Variants in PTN observed in about 807,000 individuals in gnomAD.
The protein encoded by PTN is heparin affin regulatory protein.
Under a neutral mutation model 24.1 loss-of-function variants are expected in PTN, and 18 were observed. The observed-to-expected ratio is 0.75, with a 90% CI of 0.52 to 1.11. The LOEUF is 1.11. Ranked by LOEUF, PTN falls within the 50% of genes least tolerant of loss-of-function variation. The pLI is 0.00. For synonymous variants in PTN, 78 were observed against 68.6 expected, an observed-to-expected ratio of 1.14 and a Z score of -0.67; for missense variants, 163 against 198.8, an observed-to-expected ratio of 0.82 and a Z score of 1.08.
intron 1 of PTN, among the ~76,000 whole-genome samples, chr7:137,294,606 T>G (rs554267006): frequency 1.7e-4 from 26 of 152,214 alleles, no homozygotes; most frequent in Non-Finnish European, 3.1e-4. Context: ...CAAGTTTCTC[T>G]GCCATCCACC....
At chr7:137,281,470 A>G (rs892703257) in intron 1 of PTN, among the ~76,000 whole-genome samples, 1 of 152,202 alleles carries the variant, frequency 6.6e-6, no homozygotes, top group Non-Finnish European at 1.5e-5. Context: ...TTGCTGTGCA[A>G]GGCTACTCTC....
At chr7:137,272,633 T>G in intron 1 of PTN, among the ~76,000 whole-genome samples, 1 of 152,220 alleles carries the variant, frequency 6.6e-6, no homozygotes, top group East Asian at 1.9e-4. Flanking sequence ...ATTTAGTAAC[T>G]ATCATGTCTT....
At chr7:137,232,219 A>G (rs1020157894) in intron 4 of PTN, among the ~76,000 whole-genome samples, 1 of 151,974 alleles carries the variant, frequency 6.6e-6, no homozygotes, top group Non-Finnish European at 1.5e-5. Context: ...AGAATGAGCC[A>G]TTGTCAACAT....
At chr7:137,272,474 A>G (rs1395451732) in intron 1 of PTN, among the ~76,000 whole-genome samples, 2 of 152,224 alleles carry the variant, frequency 1.3e-5, no homozygotes, top group African/African-American at 4.8e-5. Flanking sequence ...AGATGACAGT[A>G]TCGCTATCTC....
intron 4 of PTN, among the ~76,000 whole-genome samples, chr7:137,229,611 A>G (rs1336140095): frequency 6.6e-6 from 1 of 151,786 alleles, no homozygotes; most frequent in African/African-American, 2.4e-5. Context: ...GGTACACTAT[A>G]TGCAAGTGGG....
At chr7:137,320,649 G>T (rs1810148634) in intron 1 of PTN, among the ~76,000 whole-genome samples, 1 of 152,090 alleles carries the variant, frequency 6.6e-6, no homozygotes, top group Non-Finnish European at 1.5e-5. Flanking sequence ...TTTTAAAAAA[G>T]GATTCCAAAT....
chr7:137,336,553 G>A (rs1810452601), intron 1 of PTN, among the ~76,000 whole-genome samples: 1 of 152,136 alleles, frequency 6.6e-6, no homozygotes, highest in Non-Finnish European at 1.5e-5. Flanking sequence ...CCTTGAGCAT[G>A]ATCACATGCT....
At chr7:137,238,580 A>T (rs758782932) in intron 4 of PTN, among the ~76,000 whole-genome samples, 36 of 152,294 alleles carry the variant, frequency 2.4e-4, no homozygotes, top group Non-Finnish European at 4.3e-4. Context: ...TAGAATACCT[A>T]AAGAGATCCG....
At chr7:137,248,486 G>T (rs958397846) in intron 4 of PTN, among the ~76,000 whole-genome samples, 4 of 152,174 alleles carry the variant, frequency 2.6e-5, no homozygotes, top group African/African-American at 7.2e-5. Flanking sequence ...TGGAGTTCAA[G>T]ACCAGCCTGA....
At chr7:137,267,994 C>G (rs73728251) in intron 1 of PTN, among the ~76,000 whole-genome samples, 3,401 of 146,638 alleles carry the variant, frequency 0.023, 140 homozygotes, top group African/African-American at 0.09. Context: ...AAAACAAAAA[C>G]CAAAGAGCCC....
chr7:137,281,065 T>C (rs1472454567), intron 1 of PTN, among the ~76,000 whole-genome samples: 1 of 152,092 alleles, frequency 6.6e-6, no homozygotes, highest in Non-Finnish European at 1.5e-5. Context: ...TCATTTAAGA[T>C]AACATTGGTT....
intron 1 of PTN, among the ~76,000 whole-genome samples, chr7:137,271,221 A>G (rs562924445): frequency 2.0e-4 from 31 of 152,350 alleles, no homozygotes; most frequent in Non-Finnish European, 3.7e-4. Context: ...TAATTTCAGA[A>G]TTAAAAACAA....
chr7:137,328,261 TG>T (rs1562972181), intron 1 of PTN, among the ~76,000 whole-genome samples: 1 of 152,194 alleles, frequency 6.6e-6, no homozygotes, highest in Non-Finnish European at 1.5e-5. Flanking sequence ...TTCTAGGTTT[TG>T]CCTCTTGTCA....
chr7:137,300,255 T>C (rs550044191), intron 1 of PTN, among the ~76,000 whole-genome samples: 4 of 152,132 alleles, frequency 2.6e-5, no homozygotes, highest in African/African-American at 9.6e-5. Flanking sequence ...GTACAGGTGG[T>C]TGATTCTAGC....
chr7:137,228,620 G>T (rs1159664308), intron 4 of PTN, among the ~76,000 whole-genome samples: 2 of 151,770 alleles, frequency 1.3e-5, no homozygotes, highest in Admixed American at 6.6e-5. Flanking sequence ...TATGTAAAAA[G>T]AACCGGCTAT....
At chr7:137,263,648 C>T (rs1489023315) in intron 1 of PTN, among the ~76,000 whole-genome samples, 2 of 152,052 alleles carry the variant, frequency 1.3e-5, no homozygotes, top group East Asian at 1.9e-4. Flanking sequence ...GCTTAGGGGG[C>T]TATTCATTAT....
At chr7:137,302,927 A>C in intron 1 of PTN, among the ~76,000 whole-genome samples, 1 of 151,584 alleles carries the variant, frequency 6.6e-6, no homozygotes, top group East Asian at 1.9e-4. Flanking sequence ...ATCAAACAAT[A>C]ACTATTGCTT....
intron 2 of PTN, among the ~76,000 whole-genome samples, chr7:137,254,603 T>C (rs1446612774): frequency 4.6e-5 from 7 of 152,058 alleles, no homozygotes; most frequent in African/African-American, 7.2e-5. Flanking sequence ...CAATGTTCTA[T>C]ACATAGTAGC....
intron 1 of PTN, among the ~76,000 whole-genome samples, chr7:137,264,237 T>G (rs547928146): frequency 2.0e-4 from 31 of 152,274 alleles, no homozygotes; most frequent in Non-Finnish European, 4.3e-4. Context: ...AATAGCATTA[T>G]GCAAACAAGT....
Sources: gnomAD v4.1 joint callset for allele counts (sites outside exome capture counted in the v4.1 genomes callset) on GRCh38, gnomAD v4.1.1 for gene constraint, MANE v1.5 for transcripts, NCBI Gene and HGNC (gene_info 2026-07-23, HGNC 2026-07-21) for gene names.